The following TMC1 variants were observed in gnomAD, a reference collection of about 807,000 sequenced individuals.
TMC1 encodes transmembrane channel like 1, also known as transmembrane channel-like protein 1.
In TMC1, 84 loss-of-function variants were observed where a neutral mutation model predicts 105.8. The ratio of observed to expected loss-of-function variants is 0.79; its 90% CI spans 0.67 to 0.95. The LOEUF is 0.95. Among genes scored for constraint, TMC1 ranks in the 40% least tolerant of loss-of-function variants. TMC1 has a pLI of 0.00. For missense variants in TMC1, 817 were observed against 914.1 expected (o/e 0.89, Z 1.37); for synonymous variants, 315 against 311.5 (o/e 1.01, Z -0.12).
At chr9:72,771,495 G>A (rs1427605764) in intron 12 of TMC1, among the ~76,000 whole-genome samples, 1 of 152,120 alleles carries the variant, frequency 6.6e-6, no homozygotes, top group Non-Finnish European at 1.5e-5. Context: ...GATGTCAAAG[G>A]CAACCAATTG....
At chr9:72,742,590 G>A in intron 10 of TMC1, 65 bp downstream of exon 10, 1 of 1,332,558 alleles carries the variant, frequency 7.5e-7, no homozygotes, top group East Asian at 2.3e-5. Context: ...AAGCTTATCA[G>A]ATGCCTTTGT....
chr9:72,608,118 C>A (rs1824956078), intron 2 of TMC1, among the ~76,000 whole-genome samples: 1 of 152,156 alleles, frequency 6.6e-6, no homozygotes, highest in Admixed American at 6.5e-5. Context: ...TATTTCAGAT[C>A]TGCTTTTTTT....
rs199560971 is a variant in TMC1 at position 72,751,859 on chromosome 9, G to T, written c.545G>T (p.Gly182Val). The stretch of plus-strand genomic sequence containing the variant: ...ATTTTCTTTGTAATAGGTCAGTTTG[G>T]CTCCTCAGTGGCCTCATACTTCCTC... ...NKIKAIESQFGSSVASYFLFL... is the reference protein window; with the variant it reads ...NKIKAIESQFVSSVASYFLFL... Residue 182 changes from glycine to valine, a missense_variant, in exon 11 of 24, where the codon GGC becomes GTC. Transcript: ENST00000297784. The T allele has an allele frequency of 6.2e-7, 1 of 1,607,682 alleles. No homozygotes were observed. Among genetic ancestry groups the T allele is most frequent in the Non-Finnish European group, 8.5e-7 (1 of 1,174,446 alleles).
chr9:72,825,292 A>G (rs1828934967), intron 20 of TMC1, among the ~76,000 whole-genome samples: 1 of 152,220 alleles, frequency 6.6e-6, no homozygotes, highest in African/African-American at 2.4e-5. Context: ...TCTAATCTAG[A>G]GTGGCGCTAT....
In TMC1 at chr9:72,672,414, T is replaced by C. The variant is rs571855585; in HGVS notation, c.17-16295T>C. Among the ~76,000 whole-genome samples the C allele has an allele frequency of 3.3e-5, 5 of 152,240 alleles. No individual in the cohort carries two copies. The East Asian group carries it at 9.6e-4, about 29-fold the overall frequency. Reference sequence around the variant, plus strand: ...AATATTAAATGGTAAGAGAATAAACTCATCACTTAGATGTTCATATTAAAT... The same window carrying C: ...AATATTAAATGGTAAGAGAATAAACCCATCACTTAGATGTTCATATTAAAT... On this transcript the variant is annotated intron_variant, in intron 5 of 23. Transcript: ENST00000297784.
chr9:72,665,809 T>G (rs1826034015), intron 5 of TMC1, among the ~76,000 whole-genome samples: 1 of 152,256 alleles, frequency 6.6e-6, no homozygotes, highest in Non-Finnish European at 1.5e-5. Context: ...TATTTAGATG[T>G]AGGTGAAGGC....
intron 5 of TMC1, among the ~76,000 whole-genome samples, chr9:72,687,016 C>T (rs969312124): frequency 6.6e-6 from 1 of 152,140 alleles, no homozygotes; most frequent in Non-Finnish European, 1.5e-5. Context: ...TGTTGCTTAT[C>T]TCTTTAGCTT....
At chr9:72,677,745 C>T (rs945130124) in intron 5 of TMC1, among the ~76,000 whole-genome samples, 2 of 151,778 alleles carry the variant, frequency 1.3e-5, no homozygotes, top group Admixed American at 6.6e-5. Flanking sequence ...ATGATTTTCT[C>T]TGAATGCAGA....
At chr9:72,548,819 C>CT (rs1371692397) in intron 1 of TMC1, among the ~76,000 whole-genome samples, 1 of 151,996 alleles carries the variant, frequency 6.6e-6, no homozygotes, top group Non-Finnish European at 1.5e-5. Flanking sequence ...GATCCCATCT[C>CT]TAAAAAAATA....
At chr9:72,606,984 T>TGC (rs58350237) in intron 2 of TMC1, among the ~76,000 whole-genome samples, 22 of 116,552 alleles carry the variant, frequency 1.9e-4, no homozygotes, top group Middle Eastern at 5.0e-3. Context: ...TGTGTGTGCA[T>TGC]ATATATATAT....
intron 23 of TMC1, among the ~76,000 whole-genome samples, chr9:72,830,883 G>A (rs1588106296): frequency 3.3e-5 from 5 of 151,150 alleles, no homozygotes. Flanking sequence ...CTAGTGGGAG[G>A]AAAAAAAGAG....
At chr9:72,662,452 G>T (rs1206203512) in intron 5 of TMC1, among the ~76,000 whole-genome samples, 2 of 151,306 alleles carry the variant, frequency 1.3e-5, no homozygotes, top group Non-Finnish European at 2.9e-5. Context: ...TGGCCTCGGC[G>T]TCCTAGAGTG....
chr9:72,828,100 T>G (rs746179314), intron 21 of TMC1, among the ~76,000 whole-genome samples: 9 of 152,316 alleles, frequency 5.9e-5, no homozygotes, highest in African/African-American at 2.2e-4. Context: ...GTAAATCCAG[T>G]GCTCACTTCT....
At chr9:72,545,330 TA>T (rs1554710281) in intron 1 of TMC1, among the ~76,000 whole-genome samples, 2 of 150,816 alleles carry the variant, frequency 1.3e-5, no homozygotes, top group Non-Finnish European at 2.9e-5. Context: ...ATGTTTTTTT[TA>T]AAAAAAAACC....
chr9:72,798,698 G>C (rs1287987116), intron 17 of TMC1, among the ~76,000 whole-genome samples: 3 of 152,046 alleles, frequency 2.0e-5, no homozygotes, highest in Non-Finnish European at 4.4e-5. Context: ...TGGAGGGTGA[G>C]AGGAGGGAGA....
chr9:72,678,288 T>G (rs1391378849), intron 5 of TMC1, among the ~76,000 whole-genome samples: 1 of 152,134 alleles, frequency 6.6e-6, no homozygotes, highest in Non-Finnish European at 1.5e-5. Context: ...ATCTCAGTAG[T>G]CAGTCTCCTC....
At chr9:72,547,771 C>A (rs1406192595) in intron 1 of TMC1, among the ~76,000 whole-genome samples, 1 of 152,088 alleles carries the variant, frequency 6.6e-6, no homozygotes, top group Non-Finnish European at 1.5e-5. Flanking sequence ...TATTCTATAC[C>A]CCCCATGAAC....
intron 17 of TMC1, among the ~76,000 whole-genome samples, chr9:72,794,445 C>T (rs1828329760): frequency 6.6e-6 from 1 of 152,190 alleles, no homozygotes; most frequent in African/African-American, 2.4e-5. Flanking sequence ...AAGCAAGAGT[C>T]TACCAACTGA....
chr9:72,700,390 G>A, intron 7 of TMC1, 128 bp from the exon 8 acceptor site: 1 of 635,742 alleles, frequency 1.6e-6, no homozygotes. Context: ...ATGCTTATGG[G>A]TCCTAATGTT....
Sources: gnomAD v4.1 joint callset for allele counts (sites outside exome capture counted in the v4.1 genomes callset) on GRCh38, gnomAD v4.1.1 for gene constraint, MANE v1.5 for transcripts, NCBI Gene and HGNC (gene_info 2026-07-23, HGNC 2026-07-21) for gene names.